LIX1: variants seen among roughly 807,000 people sequenced by gnomAD.
LIX1 encodes protein limb expression 1 homolog.
LIX1 carries 24 observed loss-of-function variants against 33.4 expected under a neutral mutation model. That is an observed-to-expected ratio of 0.72 (90% confidence interval 0.52 to 1.01). The LOEUF (loss-of-function observed/expected upper bound fraction) is 1.01. LIX1 is among the 50% of genes least tolerant of loss of function. The pLI is 0.00. For missense variants in LIX1, 311 were observed against 339.2 expected, an observed-to-expected ratio of 0.92 and a Z score of 0.65; for synonymous variants, 124 against 124.0, an observed-to-expected ratio of 1.00 and a Z score of 0.00.
chr5:97,107,138 G>T (rs184658292), intron 3 of LIX1, among the ~76,000 whole-genome samples: 2 of 152,258 alleles, frequency 1.3e-5, no homozygotes, highest in African/African-American at 4.8e-5. Flanking sequence ...TTTAAAACAT[G>T]ATTAATTGTG....
Position 97,122,379 on chromosome 5 carries a change from C to T in LIX1, c.246+2087G>A, listed in dbSNP as rs141036249. Among the ~76,000 whole-genome samples, 598 of 152,230 alleles carry T rather than the reference C, an allele frequency of 3.9e-3. 2 individuals are homozygous for T. The highest frequency in any genetic ancestry group is 8.6e-3 in the African/African-American group (359 of 41,532). ...GCCCCTAATAATTTGATTCTACTCT[C>T]GTCTCCCGGAATTGCCTCAAAGTTC... On this transcript the variant is annotated intron_variant, in intron 2 of 5. Transcript: ENST00000274382.
chr5:97,107,029 T>C (rs1358752312), intron 3 of LIX1, among the ~76,000 whole-genome samples: 2 of 152,190 alleles, frequency 1.3e-5, no homozygotes. Flanking sequence ...TAAAGCAGTA[T>C]TCCACTGTAT....
At chr5:97,129,702 G>A (rs1167758562) in intron 1 of LIX1, among the ~76,000 whole-genome samples, 1 of 152,146 alleles carries the variant, frequency 6.6e-6, no homozygotes, top group East Asian at 1.9e-4. Context: ...TTTTCATGCT[G>A]TCTATCTGTA....
In LIX1 at chr5:97,107,343, C is replaced by G. The variant is rs536987358; in HGVS notation, c.387+17G>C. On this transcript the variant is annotated intron_variant, in intron 3 of 5. Coordinates refer to ENST00000274382, the MANE Select transcript of LIX1 (RefSeq NM_153234.5). ...TCTCAGTGCAGCCATCTCCTGCCCT[C>G]CATGGTGGGTACTCACGCTGGTGGA... 1 of 1,610,174 alleles carries G rather than the reference C, an allele frequency of 6.2e-7. No homozygotes were observed. The highest frequency in any genetic ancestry group is 2.2e-5 in the East Asian group (1 of 44,828).
chr5:97,098,409 T>A (rs971629976), intron 4 of LIX1, among the ~76,000 whole-genome samples: 1 of 152,212 alleles, frequency 6.6e-6, no homozygotes, highest in Non-Finnish European at 1.5e-5. Flanking sequence ...AATTAGAAGT[T>A]TTCCACTGAA....
At chr5:97,120,035 G>A (rs912776536) in intron 2 of LIX1, among the ~76,000 whole-genome samples, 1 of 152,140 alleles carries the variant, frequency 6.6e-6, no homozygotes, top group Admixed American at 6.5e-5. Context: ...TAAGAGTCGG[G>A]TGGGGAAAAA....
At chr5:97,127,525 A>C (rs1198659170) in intron 1 of LIX1, among the ~76,000 whole-genome samples, 2 of 152,138 alleles carry the variant, frequency 1.3e-5, no homozygotes, top group Non-Finnish European at 2.9e-5. Context: ...CGACTCAAAA[A>C]CCAGACAAAT....
chr5:97,109,869 C>T (rs1342072757), intron 2 of LIX1, among the ~76,000 whole-genome samples: 4 of 152,322 alleles, frequency 2.6e-5, no homozygotes, highest in African/African-American at 7.2e-5. Flanking sequence ...AGTTACTCCA[C>T]TTAGAATAAT....
At chr5:97,101,531 G>C (rs992494287) in intron 4 of LIX1, among the ~76,000 whole-genome samples, 1 of 152,184 alleles carries the variant, frequency 6.6e-6, no homozygotes, top group Non-Finnish European at 1.5e-5. Context: ...AATATAGAAC[G>C]AAGAATCAAG....
At chr5:97,113,014 G>C (rs962169824) in intron 2 of LIX1, among the ~76,000 whole-genome samples, 1 of 152,178 alleles carries the variant, frequency 6.6e-6, no homozygotes, top group African/African-American at 2.4e-5. Context: ...GGTTATAAAA[G>C]ACACTATGAC....
intron 1 of LIX1, among the ~76,000 whole-genome samples, chr5:97,136,255 G>A (rs184021213): frequency 6.6e-6 from 1 of 152,356 alleles, no homozygotes; most frequent in African/African-American, 2.4e-5. Flanking sequence ...TGTCTTTAGA[G>A]CCCCGACTTT....
chr5:97,117,489 G>T (rs941181440), intron 2 of LIX1, among the ~76,000 whole-genome samples: 2 of 152,130 alleles, frequency 1.3e-5, no homozygotes, highest in African/African-American at 4.8e-5. Context: ...GAATTAATCA[G>T]ATTTTCTTAG....
chr5:97,124,499 GGTCAC>G lies in LIX1; in HGVS notation c.208_212del (p.Val70ProfsTer16), dbSNP rs1240841003. On this transcript the variant is annotated frameshift_variant, in exon 2 of 6. Coordinates refer to ENST00000274382, the MANE Select transcript of LIX1 (RefSeq NM_153234.5). LOFTEE classifies it high-confidence loss of function. ...TGCCAAAACAGCTTCCCCCTGGGAG[GGTCAC>G]GTAACTCACAAAGGGAGGCCCAGGA... The G allele has an allele frequency of 3.1e-6, 5 of 1,606,942 alleles. No homozygotes were observed. In the African/African-American group the frequency reaches 6.7e-5, roughly 22 times the overall value.
chr5:97,130,738 C>G (rs1359527877), intron 1 of LIX1, among the ~76,000 whole-genome samples: 1 of 152,214 alleles, frequency 6.6e-6, no homozygotes, highest in Non-Finnish European at 1.5e-5. Context: ...TTAATAATAG[C>G]ATGAAATCCA....
intron 1 of LIX1, among the ~76,000 whole-genome samples, chr5:97,130,627 T>A (rs892388189): frequency 1.1e-4 from 16 of 151,262 alleles, no homozygotes; most frequent in African/African-American, 3.9e-4. Flanking sequence ...AGGTAACTGA[T>A]GTTTAACTGA....
At chr5:97,142,410 AGAAATCTTACTTAAATAG>A in intron 1 of LIX1, 67 bp downstream of exon 1, 1 of 910,014 alleles carries the variant, frequency 1.1e-6, no homozygotes, top group East Asian at 2.5e-5. Flanking sequence ...GAGATTTAGG[AGAAATCTTACTTAAATAG>A]GATGTGACTT....
rs532338329 is a variant in LIX1 at position 97,137,492 on chromosome 5, T to C, written c.82+5003A>G. Among the ~76,000 whole-genome samples, 5 of 152,202 alleles carry C rather than the reference T, an allele frequency of 3.3e-5. No individual in the cohort carries two copies. In the South Asian group the frequency reaches 8.3e-4, roughly 25 times the overall value. ...GAAAAAAAAAAAGAACCAGCTCTTATGCCATTGATAGCTGTACTAAAATTT... is the reference window on the plus strand; with the variant it reads ...GAAAAAAAAAAAGAACCAGCTCTTACGCCATTGATAGCTGTACTAAAATTT... On this transcript the variant is annotated intron_variant, in intron 1 of 5. Coordinates refer to ENST00000274382, the MANE Select transcript of LIX1 (RefSeq NM_153234.5).
At chr5:97,134,939 G>C (rs1000014188) in intron 1 of LIX1, among the ~76,000 whole-genome samples, 21 of 152,262 alleles carry the variant, frequency 1.4e-4, no homozygotes, top group African/African-American at 5.1e-4. Context: ...TTTGTTCCCA[G>C]CAGAGGGACT....
chr5:97,115,878 G>A (rs1747622878), intron 2 of LIX1, among the ~76,000 whole-genome samples: 1 of 152,128 alleles, frequency 6.6e-6, no homozygotes, highest in East Asian at 1.9e-4. Context: ...TATTTAGGTG[G>A]CATTTATTCA....
Sources: allele counts gnomAD v4.1 joint callset (sites outside exome capture counted in the v4.1 genomes callset), GRCh38; gene constraint gnomAD v4.1.1; transcripts MANE v1.5; gene names NCBI Gene and HGNC (gene_info 2026-07-23, HGNC 2026-07-21).